ADCK1: variants seen among roughly 807,000 people sequenced by gnomAD.
The protein encoded by ADCK1 is aarF domain containing kinase 1.
In ADCK1, 41 loss-of-function variants were observed where a neutral mutation model predicts 52.3. That is an observed-to-expected ratio of 0.78 (90% CI 0.61 to 1.02). ADCK1 has a LOEUF of 1.02. Ranked by LOEUF, ADCK1 falls within the 50% of genes least tolerant of loss-of-function variation. The pLI is 0.00. For synonymous variants in ADCK1, 250 were observed against 274.6 expected, an observed-to-expected ratio of 0.91 and a Z score of 0.89; for missense variants, 658 against 679.5, an observed-to-expected ratio of 0.97 and a Z score of 0.35.
At chr14:77,839,916 C>A (rs1370554195) in intron 3 of ADCK1, among the ~76,000 whole-genome samples, 1 of 43,994 alleles carries the variant, frequency 2.3e-5, no homozygotes, top group Non-Finnish European at 4.4e-5. Flanking sequence ...GAGACCCTGT[C>A]TCAAAAAAAA....
At chr14:77,852,660 AAT>A (rs370053776) in intron 3 of ADCK1, among the ~76,000 whole-genome samples, 162 of 31,698 alleles carry the variant, frequency 5.1e-3, no homozygotes, top group Admixed American at 0.011. Context: ...TAAATAAATA[AAT>A]ATATATATAT....
intron 3 of ADCK1, among the ~76,000 whole-genome samples, chr14:77,830,443 C>T (rs1279894882): frequency 6.6e-6 from 1 of 151,196 alleles, no homozygotes; most frequent in Non-Finnish European, 1.5e-5. Flanking sequence ...GTATGAGCCA[C>T]CGTGCCTCGC....
At chr14:77,859,301 A>T in intron 4 of ADCK1, 22 bp downstream of exon 4, 1 of 1,606,146 alleles carries the variant, frequency 6.2e-7, no homozygotes, top group Non-Finnish European at 8.5e-7. Flanking sequence ...TGCAGGGGGG[A>T]TGGGCCTTGG....
At chr14:77,870,896 G>T (rs2082761745) in intron 4 of ADCK1, among the ~76,000 whole-genome samples, 1 of 152,184 alleles carries the variant, frequency 6.6e-6, no homozygotes, top group Non-Finnish European at 1.5e-5. Flanking sequence ...TCAGGGCTGG[G>T]GCTGTCAGTA....
chr14:77,854,253 G>T (rs1432727009), intron 3 of ADCK1, among the ~76,000 whole-genome samples: 4 of 152,116 alleles, frequency 2.6e-5, no homozygotes, highest in African/African-American at 9.7e-5. Context: ...TAAGTTTGAA[G>T]AGCCTGTTGG....
intron 4 of ADCK1, among the ~76,000 whole-genome samples, chr14:77,862,250 C>T (rs1010073): frequency 0.055 from 8,328 of 152,262 alleles, 254 homozygotes; most frequent in African/African-American, 0.074. Context: ...GGAGCCCAGC[C>T]TCTGGGAGGT....
At chr14:77,818,259 C>G (rs945022856) in intron 1 of ADCK1, among the ~76,000 whole-genome samples, 1 of 151,968 alleles carries the variant, frequency 6.6e-6, no homozygotes, top group African/African-American at 2.4e-5. Flanking sequence ...AAATAACATT[C>G]TTCCTCTCTC....
At chr14:77,912,510 A>G (rs1443858309) in intron 7 of ADCK1, among the ~76,000 whole-genome samples, 1 of 151,536 alleles carries the variant, frequency 6.6e-6, no homozygotes, top group African/African-American at 2.4e-5. Flanking sequence ...AAAGTTTCAG[A>G]TAGACTCCTG....
At chr14:77,926,015 A>C in intron 9 of ADCK1, 54 bp downstream of exon 9, 2 of 1,606,246 alleles carry the variant, frequency 1.2e-6, no homozygotes, top group Non-Finnish European at 1.7e-6. Flanking sequence ...GCAGGGCTAG[A>C]GGTGGCCTGT....
In ADCK1 at chr14:77,829,294, GA is replaced by G. The variant is rs984537641; in HGVS notation, c.219+6777del. Reference sequence around the variant, plus strand: ...TTCTGTCTTTCTACTAAAAAACTAAGATTTTTTTTTTTTTTGAGACATGGTC... The same window carrying G: ...TTCTGTCTTTCTACTAAAAAACTAAGTTTTTTTTTTTTTTGAGACATGGTC... On this transcript the variant is annotated intron_variant, in intron 3 of 10. Transcript: ENST00000238561. Among the ~76,000 whole-genome samples, 3 of 126,930 alleles carry G rather than the reference GA, an allele frequency of 2.4e-5. No individual in the cohort carries two copies. The East Asian group carries it at 5.9e-4, about 25-fold the overall frequency. The allele number at this position is 126,930 out of a possible 152,430, so 83.3% of individuals were successfully genotyped here.
intron 5 of ADCK1, among the ~76,000 whole-genome samples, chr14:77,888,547 G>A (rs2140211813): frequency 6.6e-6 from 1 of 152,206 alleles, no homozygotes; most frequent in Admixed American, 6.5e-5. Context: ...AAAGACTGTA[G>A]CCAGGAGACG....
At chr14:77,916,929 A>G (rs1364895138) in intron 7 of ADCK1, among the ~76,000 whole-genome samples, 1 of 152,128 alleles carries the variant, frequency 6.6e-6, no homozygotes, top group African/African-American at 2.4e-5. Context: ...ATTATGGTAA[A>G]ATGCTCTAGG....
rs770040664 is a variant in ADCK1, at chr14:77,859,298, G to A, written c.423+19G>A. ...CAAGGAGGTACCCACCTTTGCAGGG[G>A]GGATGGGCCTTGGTTGGGATGCTTC... On this transcript the variant is annotated intron_variant, in intron 4 of 10. Coordinates refer to ENST00000238561, the MANE Select transcript of ADCK1 (RefSeq NM_020421.4). 13 of 1,608,706 alleles carry A rather than the reference G, an allele frequency of 8.1e-6. No individual in the cohort carries two copies. Among genetic ancestry groups the A allele is most frequent in the Admixed American group, 3.3e-5 (2 of 59,710 alleles).
At chr14:77,803,691 G>T (rs528866606) in intron 1 of ADCK1, among the ~76,000 whole-genome samples, 3 of 152,184 alleles carry the variant, frequency 2.0e-5, no homozygotes, top group Non-Finnish European at 4.4e-5. Flanking sequence ...GGGAGGCATT[G>T]GTTGATCTTG....
intron 8 of ADCK1, among the ~76,000 whole-genome samples, chr14:77,924,915 G>A (rs1211179994): frequency 6.6e-6 from 1 of 152,246 alleles, no homozygotes; most frequent in Non-Finnish European, 1.5e-5. Flanking sequence ...TCAGAAGTGA[G>A]CTGTCCTCTG....
intron 3 of ADCK1, among the ~76,000 whole-genome samples, chr14:77,853,286 ATTG>A (rs2082351742): frequency 6.6e-6 from 1 of 150,970 alleles, no homozygotes; most frequent in South Asian, 2.1e-4. Flanking sequence ...TGTCTAGCTA[ATTG>A]TTGTATTTTA....
At chr14:77,844,023 A>G (rs756447913) in intron 3 of ADCK1, among the ~76,000 whole-genome samples, 2 of 152,130 alleles carry the variant, frequency 1.3e-5, no homozygotes, top group Non-Finnish European at 2.9e-5. Context: ...AGAGACAGGT[A>G]AAGAAACTCC....
At chr14:77,930,724 G>A (rs556078842) in intron 9 of ADCK1, among the ~76,000 whole-genome samples, 41 of 152,166 alleles carry the variant, frequency 2.7e-4, no homozygotes, top group Non-Finnish European at 5.1e-4. Context: ...CAATTAATAC[G>A]TGCCAACATT....
At chr14:77,907,077 C>G (rs1017488688) in intron 6 of ADCK1, among the ~76,000 whole-genome samples, 1 of 152,016 alleles carries the variant, frequency 6.6e-6, no homozygotes, top group African/African-American at 2.4e-5. Context: ...CTATGCCTGG[C>G]TAATTTTTGT....
Sources: gnomAD v4.1 joint callset for allele counts (sites outside exome capture counted in the v4.1 genomes callset) on GRCh38, gnomAD v4.1.1 for gene constraint, MANE v1.5 for transcripts, NCBI Gene and HGNC (gene_info 2026-07-23, HGNC 2026-07-21) for gene names.